Variants in MGAT4D observed in about 807,000 individuals in gnomAD.
The protein encoded by MGAT4D is alpha-1,3-mannosyl-glycoprotein 4-beta-N-acetylglucosaminyltransferase-like protein MGAT4D.
In MGAT4D, 34 loss-of-function variants were observed where a neutral mutation model predicts 15.9. The observed-to-expected ratio is 2.14, with a 90% CI of 1.62 to 2.84. The LOEUF is 2.84. Among genes scored for constraint, MGAT4D ranks in the 30% most tolerant of loss-of-function variants. The pLI is 0.00. For synonymous variants in MGAT4D, 112 were observed against 48.2 expected, an observed-to-expected ratio of 2.33 and a Z score of -5.49; for missense variants, 327 against 140.2, an observed-to-expected ratio of 2.33 and a Z score of -6.73.
intron 10 of MGAT4D, among the ~76,000 whole-genome samples, chr4:140,449,699 G>A (rs949815870): frequency 1.3e-5 from 2 of 152,146 alleles, no homozygotes; most frequent in African/African-American, 4.8e-5. Context: ...GGCAGAGCTT[G>A]CAGTGAGCCA....
At chr4:140,451,589 A>G (rs964994238) in intron 9 of MGAT4D, 72 bp from the exon 10 acceptor site, 7 of 416,430 alleles carry the variant, frequency 1.7e-5, no homozygotes, top group African/African-American at 1.4e-4. Context: ...CTGATGGTAG[A>G]ATTTTTATAT....
chr4:140,487,130 A>C (rs901198158), intron 1 of MGAT4D, among the ~76,000 whole-genome samples: 2 of 152,178 alleles, frequency 1.3e-5, no homozygotes, highest in Non-Finnish European at 1.5e-5. Context: ...CTTCTTGTAC[A>C]TTTTTCCCTG....
intron 5 of MGAT4D, among the ~76,000 whole-genome samples, chr4:140,466,208 G>T (rs568660488): frequency 6.6e-6 from 1 of 152,172 alleles, no homozygotes; most frequent in Non-Finnish European, 1.5e-5. Context: ...TAAAAGAGCT[G>T]ATCATGGGAA....
At chr4:140,473,748 G>C (rs1732130122) in intron 4 of MGAT4D, among the ~76,000 whole-genome samples, 2 of 152,140 alleles carry the variant, frequency 1.3e-5, no homozygotes, top group Non-Finnish European at 2.9e-5. Flanking sequence ...GCCCAGGCTG[G>C]AGTGCAGTGG....
intron 1 of MGAT4D, among the ~76,000 whole-genome samples, chr4:140,488,455 A>G (rs965735492): frequency 3.3e-5 from 5 of 152,224 alleles, no homozygotes; most frequent in Non-Finnish European, 7.3e-5. Context: ...AAACTTTACT[A>G]ATTATAATAT....
chr4:140,445,802 C>T (rs1446674540), intron 10 of MGAT4D, among the ~76,000 whole-genome samples: 4 of 152,152 alleles, frequency 2.6e-5, no homozygotes, highest in Non-Finnish European at 4.4e-5. Flanking sequence ...TCCCCCATTG[C>T]TTGTTTTTGT....
chr4:140,457,667 A>T (rs1033673652), intron 8 of MGAT4D: 1 of 152,204 alleles, frequency 6.6e-6, no homozygotes, highest in Non-Finnish European at 1.5e-5. Context: ...AAGATTTGGC[A>T]TCCCATAAAT....
chr4:140,479,435 T>C, intron 3 of MGAT4D, 55 bp downstream of exon 3: 1 of 399,314 alleles, frequency 2.5e-6, no homozygotes, highest in Non-Finnish European at 4.5e-6. Flanking sequence ...CTTAAAAGTA[T>C]GTCCCCAAAG....
intron 8 of MGAT4D, chr4:140,458,944 A>G (rs1730986184): frequency 6.6e-6 from 1 of 152,202 alleles, no homozygotes; most frequent in African/African-American, 2.4e-5. Context: ...TTCAAAGGAA[A>G]GAAAAAAGCA....
At chr4:140,489,127 C>T (rs1560801538) in intron 1 of MGAT4D, among the ~76,000 whole-genome samples, 1 of 152,018 alleles carries the variant, frequency 6.6e-6, no homozygotes, top group African/African-American at 2.4e-5. Flanking sequence ...AATAGAAGGG[C>T]AAAAGGTATA....
rs1729861419 is a variant in MGAT4D, at chr4:140,442,900, GA to G, written c.*535del. ...AATCTTTAGAACTAAATGACTATAAGAATACATATATATCAAGATGTTTGAT... is the reference window on the plus strand; with the variant it reads ...AATCTTTAGAACTAAATGACTATAAGATACATATATATCAAGATGTTTGAT... On this transcript the variant is annotated 3_prime_UTR_variant, in exon 11 of 11. Transcript: ENST00000511113. 6.6e-6 allele frequency: 1 copy of G among 152,104 alleles called. No individual in the cohort carries two copies. The highest frequency in any genetic ancestry group is 2.4e-5 in the African/African-American group (1 of 41,422). 9.4% of individuals were successfully genotyped at this position (152,104 alleles called of 1,614,324 possible). A position where few individuals can be genotyped will look rare whatever the true frequency, so the allele number is the denominator to read the frequency against.
intron 8 of MGAT4D, 166 bp from the exon 9 acceptor site, chr4:140,456,885 T>A (rs1033250622): frequency 2.4e-6 from 1 of 410,678 alleles, no homozygotes; most frequent in African/African-American, 2.0e-5. Context: ...ACACTATATC[T>A]GCTTAAGTAT....
chr4:140,484,582 AGC>A (rs1732970356), intron 1 of MGAT4D, among the ~76,000 whole-genome samples: 1 of 152,234 alleles, frequency 6.6e-6, no homozygotes, highest in Admixed American at 6.5e-5. Flanking sequence ...GCTTCTGCAC[AGC>A]AAAAGAAACT....
rs1420924578 is a variant in MGAT4D at position 140,458,306 on chromosome 4, T to C, written c.877+1206A>G. The C allele has an allele frequency of 2.8e-5, 4 of 142,026 alleles. No homozygotes were observed. The Admixed American group carries it at 2.9e-4, about 10-fold the overall frequency. The allele number at this position is 142,026 out of a possible 1,614,324, so 8.8% of individuals were successfully genotyped here. A position where few individuals can be genotyped will look rare whatever the true frequency, so the allele number is the denominator to read the frequency against. On this transcript the variant is annotated intron_variant, in intron 8 of 10. Transcript: ENST00000511113. ...TCAAAGTCTTTTGGTGATGGGTCAC[T>C]GTGCATCCAGATTTAGTTCACTTGT...
chr4:140,444,650 T>C (rs1729970269), intron 10 of MGAT4D, among the ~76,000 whole-genome samples: 1 of 152,236 alleles, frequency 6.6e-6, no homozygotes, highest in Admixed American at 6.5e-5. Context: ...ATTCTGTGTC[T>C]TTGCTATTGT....
intron 5 of MGAT4D, among the ~76,000 whole-genome samples, chr4:140,470,085 A>G (rs1731820586): frequency 6.6e-6 from 1 of 152,248 alleles, no homozygotes; most frequent in Non-Finnish European, 1.5e-5. Flanking sequence ...GCCTATCTCC[A>G]GGGCCTCTGA....
At chr4:140,449,517 T>TG in intron 10 of MGAT4D, among the ~76,000 whole-genome samples, 1 of 152,306 alleles carries the variant, frequency 6.6e-6, no homozygotes. Context: ...CCCAGTGCTT[T>TG]GGGAGGCTGA....
chr4:140,461,278 GAGA>G (rs1242217060), intron 7 of MGAT4D, among the ~76,000 whole-genome samples: 1 of 152,070 alleles, frequency 6.6e-6, no homozygotes, highest in African/African-American at 2.4e-5. Flanking sequence ...TCCAATGAAA[GAGA>G]AGACCTTGCT....
chr4:140,467,278 T>G (rs1175662861), intron 5 of MGAT4D, among the ~76,000 whole-genome samples: 5 of 152,124 alleles, frequency 3.3e-5, no homozygotes, highest in African/African-American at 9.7e-5. Context: ...AGTTTGGTTG[T>G]TTGCTTTGTG....
Sources: allele counts gnomAD v4.1 joint callset (sites outside exome capture counted in the v4.1 genomes callset), GRCh38; gene constraint gnomAD v4.1.1; transcripts MANE v1.5; gene names NCBI Gene and HGNC (gene_info 2026-07-23, HGNC 2026-07-21).